The following GABRA3 variants were observed in gnomAD, a reference collection of about 807,000 sequenced individuals.
The protein encoded by GABRA3 is gamma-aminobutyric acid receptor subunit alpha-3.
A neutral mutation model predicts 30.1 loss-of-function variants in GABRA3; 10 were observed. The observed-to-expected ratio is 0.33, with a 90% CI of 0.20 to 0.56. GABRA3 has a LOEUF of 0.56. GABRA3 is among the 20% of genes least tolerant of loss of function. The probability of loss-of-function intolerance (pLI) is 0.89; values close to 1 mark genes in which losing one functional copy is unlikely to be tolerated. For missense variants in GABRA3, 233 were observed against 392.0 expected (o/e 0.59, Z 3.42); for synonymous variants, 151 against 146.8 (o/e 1.03, Z -0.21).
chrX:152,239,360 AGTTT>A (rs1277054286), intron 5 of GABRA3, among the ~76,000 whole-genome samples: 1 of 105,838 alleles, frequency 9.4e-6, no homozygotes, highest in African/African-American at 3.6e-5. Flanking sequence ...TCTGAGAGAT[AGTTT>A]GTTATCATTT....
chrX:152,194,540 T>A (rs767968616), intron 8 of GABRA3, among the ~76,000 whole-genome samples: 78 of 111,845 alleles, frequency 7.0e-4, no homozygotes, highest in African/African-American at 2.4e-3. Context: ...TGAAGTCCAA[T>A]TTATTAGTTC....
intron 3 of GABRA3, among the ~76,000 whole-genome samples, chrX:152,341,545 CTTT>C (rs1201836478): frequency 4.6e-5 from 4 of 86,753 alleles, no homozygotes; most frequent in African/African-American, 8.9e-5. Context: ...CATCTATTGA[CTTT>C]TTTTTTTTTT....
intron 2 of GABRA3, among the ~76,000 whole-genome samples, chrX:152,351,603 C>A (rs1940479727): frequency 8.9e-6 from 1 of 112,036 alleles, no homozygotes; most frequent in South Asian, 3.6e-4. Context: ...TCCATATTTG[C>A]AATAAGGCTG....
chrX:152,284,667 C>A lies in GABRA3; in HGVS notation c.330+1G>T. 1 of 1,171,415 alleles carries A rather than the reference C, an allele frequency of 8.5e-7. No homozygotes were observed. Among genetic ancestry groups the A allele is most frequent in the Non-Finnish European group, 1.2e-6 (1 of 863,655 alleles). ...TTACATTTACCTTTGCAAGAACTTA[C>A]CATGTCAGTGTCTGACACAGGGCCA... On this transcript the variant is annotated splice_donor_variant, in intron 4 of 9. Coordinates refer to ENST00000370314, the MANE Select transcript of GABRA3 (RefSeq NM_000808.4). LOFTEE classifies it high-confidence loss of function.
intron 4 of GABRA3, among the ~76,000 whole-genome samples, chrX:152,275,807 T>C (rs762822466): frequency 2.8e-5 from 3 of 108,976 alleles, no homozygotes; most frequent in East Asian, 2.8e-4. Flanking sequence ...ATAAATCATT[T>C]ATATATATAT....
At chrX:152,450,880 A>G (rs1931204275) in intron 1 of GABRA3, among the ~76,000 whole-genome samples, 1 of 112,360 alleles carries the variant, frequency 8.9e-6, no homozygotes, top group Admixed American at 9.3e-5. Context: ...GAACAAAACA[A>G]TTCACTGACA....
Position 152,416,488 on chromosome X carries a change from C to T in GABRA3, c.-27+34658G>A, listed in dbSNP as rs1252640951. Among the ~76,000 whole-genome samples the T allele has an allele frequency of 1.5e-4, 16 of 110,234 alleles. No homozygotes were observed. In the East Asian group the frequency reaches 4.6e-3, roughly 31 times the overall value. ...ATTCAATGCCATCCCTATCAAGCTA[C>T]CAATGCCTTTCTTCACATAATTGGA... On this transcript the variant is annotated intron_variant, in intron 1 of 9. Coordinates refer to ENST00000370314, the MANE Select transcript of GABRA3 (RefSeq NM_000808.4).
Position 152,414,356 on chromosome X carries a change from C to A in GABRA3, c.-27+36790G>T, listed in dbSNP as rs186995827. ...GTATTGAAGTAACCTGAATGGAACT[C>A]AAGATCATCATGCTTAGTCAAAGTG... On this transcript the variant is annotated intron_variant, in intron 1 of 9. Coordinates refer to ENST00000370314, the MANE Select transcript of GABRA3 (RefSeq NM_000808.4). Among the ~76,000 whole-genome samples, 233 of 111,319 alleles carry A rather than the reference C, an allele frequency of 2.1e-3. 1 individual carries two copies. The highest frequency in any genetic ancestry group is 3.7e-3 in the Non-Finnish European group (194 of 52,801).
intron 1 of GABRA3, among the ~76,000 whole-genome samples, chrX:152,390,726 A>C (rs986147349): frequency 2.4e-4 from 27 of 111,895 alleles, no homozygotes; most frequent in African/African-American, 8.8e-4. Context: ...ATGATAGAGA[A>C]TGAAGAAAAA....
intron 1 of GABRA3, among the ~76,000 whole-genome samples, chrX:152,414,302 C>T (rs1312086409): frequency 9.0e-6 from 1 of 111,074 alleles, no homozygotes; most frequent in African/African-American, 3.3e-5. Context: ...TGAAAAGGTA[C>T]CAATTACTGG....
intron 1 of GABRA3, chrX:152,392,184 C>T (rs781502088): frequency 2.6e-6 from 1 of 382,495 alleles, no homozygotes; most frequent in South Asian, 2.4e-5. Flanking sequence ...GAACAAATGG[C>T]TTTGGTCCAG....
intron 5 of GABRA3, among the ~76,000 whole-genome samples, chrX:152,234,075 T>C (rs1481112790): frequency 2.1e-5 from 2 of 95,798 alleles, no homozygotes; most frequent in East Asian, 7.6e-4. Context: ...AGGGATAGCA[T>C]TGGGAGATAT....
chrX:152,279,740 T>A (rs1939163056), intron 4 of GABRA3, among the ~76,000 whole-genome samples: 1 of 111,994 alleles, frequency 8.9e-6, no homozygotes, highest in African/African-American at 3.2e-5. Context: ...TTCCTACCCA[T>A]GTGCATGGAA....
chrX:152,240,108 G>A (rs369528166), intron 5 of GABRA3, among the ~76,000 whole-genome samples: 1 of 99,641 alleles, frequency 1.0e-5, no homozygotes, highest in South Asian at 4.6e-4. Flanking sequence ...TTTACATTTT[G>A]GCATGATTTT....
chrX:152,386,068 C>T (rs1489002207), intron 1 of GABRA3, among the ~76,000 whole-genome samples: 12 of 107,693 alleles, frequency 1.1e-4, no homozygotes, highest in South Asian at 4.2e-4. Flanking sequence ...ATTGACTTGG[C>T]GATGTGGGCT....
chrX:152,187,045 T>C (rs186441998), intron 9 of GABRA3, among the ~76,000 whole-genome samples: 7 of 112,227 alleles, frequency 6.2e-5, no homozygotes, highest in Admixed American at 1.9e-4. Context: ...TCAAGCTGTA[T>C]ATCACTGATT....
chrX:152,176,211 T>C (rs1260394235), intron 9 of GABRA3, among the ~76,000 whole-genome samples: 3 of 111,249 alleles, frequency 2.7e-5, no homozygotes, highest in Non-Finnish European at 5.7e-5. Flanking sequence ...CAAGATCCTG[T>C]AAGGTTTTGA....
intron 1 of GABRA3, among the ~76,000 whole-genome samples, chrX:152,434,615 A>G (rs1428243312): frequency 1.8e-5 from 2 of 111,775 alleles, no homozygotes; most frequent in South Asian, 7.4e-4. Flanking sequence ...AGACCAATAT[A>G]TCTAATGAAT....
rs767358518 is a variant in GABRA3 at position 152,395,816 on chromosome X, C to A, written c.-26-31220G>T. On this transcript the variant is annotated intron_variant, in intron 1 of 9. Transcript: ENST00000370314. Reference sequence around the variant, plus strand: ...AGTAACATGCTGCACAGTGTGATAACCATGACATAGAAGTTGGTCAATCAC... The same window carrying A: ...AGTAACATGCTGCACAGTGTGATAAACATGACATAGAAGTTGGTCAATCAC... Among the ~76,000 whole-genome samples the A allele has an allele frequency of 2.7e-5, 3 of 112,118 alleles. No individual in the cohort carries two copies. In the South Asian group the frequency reaches 1.1e-3, roughly 41 times the overall value.
Sources: gnomAD v4.1 joint callset for allele counts (sites outside exome capture counted in the v4.1 genomes callset) on GRCh38, gnomAD v4.1.1 for gene constraint, MANE v1.5 for transcripts, NCBI Gene and HGNC (gene_info 2026-07-23, HGNC 2026-07-21) for gene names.